Variants in SUGP1 observed in about 807,000 individuals in gnomAD.
The protein encoded by SUGP1 is SURP and G-patch domain containing 1.
A neutral mutation model predicts 76.5 loss-of-function variants in SUGP1; 34 were observed. The observed-to-expected ratio is 0.44, with a 90% CI of 0.34 to 0.59. SUGP1 has a LOEUF of 0.59. SUGP1 is among the 20% of genes least tolerant of loss of function. The pLI is 0.01. For missense variants in SUGP1, 752 were observed against 851.7 expected (o/e 0.88, Z 1.46); for synonymous variants, 326 against 326.2 (o/e 1.00, Z 0.01).
chr19:19,318,423 T>C, intron 1 of SUGP1, among the ~76,000 whole-genome samples: 1 of 151,692 alleles, frequency 6.6e-6, no homozygotes, highest in Non-Finnish European at 1.5e-5. Context: ...CCCAGCCGTT[T>C]TTTTTGTTTT....
chr19:19,286,378 C>G (rs1199015552), intron 8 of SUGP1, among the ~76,000 whole-genome samples: 1 of 152,074 alleles, frequency 6.6e-6, no homozygotes, highest in Non-Finnish European at 1.5e-5. Context: ...CTCAGCAGAG[C>G]GAACATTATG....
At chr19:19,318,118 T>TTTTTTTC (rs2061408521) in intron 1 of SUGP1, among the ~76,000 whole-genome samples, 2 of 55,014 alleles carry the variant, frequency 3.6e-5, no homozygotes, top group South Asian at 1.3e-3. Context: ...GCCTTCTTTT[T>TTTTTTTC]TTTTTTTTTT....
chr19:19,306,080 G>C lies in SUGP1; in HGVS notation c.311-4C>G. On this transcript the variant is annotated splice_region_variant and splice_polypyrimidine_tract_variant and intron_variant, in intron 3 of 13. Coordinates refer to ENST00000247001, the MANE Select transcript of SUGP1 (RefSeq NM_172231.4). ...CTGGGCGCACTGGTCGGGGCGTCTG[G>C]TATAGAAGGAAGGATATGCGCACTC... 1 of 1,576,246 alleles carries C rather than the reference G, an allele frequency of 6.3e-7. No individual in the cohort carries two copies. The highest frequency in any genetic ancestry group is 1.1e-5 in the South Asian group (1 of 87,146).
chr19:19,280,111 C>T, intron 9 of SUGP1, 74 bp downstream of exon 9: 1 of 1,421,348 alleles, frequency 7.0e-7, no homozygotes, highest in Non-Finnish European at 9.8e-7. Context: ...CCTGTGACCG[C>T]TGCACCCGGG....
At chr19:19,291,961 T>C (rs1373785044) in intron 8 of SUGP1, among the ~76,000 whole-genome samples, 1 of 147,726 alleles carries the variant, frequency 6.8e-6, no homozygotes, top group East Asian at 2.0e-4. Flanking sequence ...ATAGCTTCAC[T>C]GGTAAAGCAA....
chr19:19,319,231 A>G (rs1363429526), intron 1 of SUGP1, among the ~76,000 whole-genome samples: 2 of 151,980 alleles, frequency 1.3e-5, no homozygotes, highest in African/African-American at 4.8e-5. Flanking sequence ...CAACAAAAAG[A>G]AAAAAAGAAT....
chr19:19,297,225 C>T lies in SUGP1; in HGVS notation c.1007G>A (p.Arg336His), dbSNP rs143809642. 4.0e-5 allele frequency: 64 copies of T among 1,597,776 alleles called. No homozygotes were observed. In the African/African-American group the frequency reaches 5.9e-4, roughly 15 times the overall value. ...SFTAPDPGLKRKSPPEALSGS... is the reference protein window; with the variant it reads ...SFTAPDPGLKHKSPPEALSGS... ...TGACAGGGCCTCAGGAGGGGACTTGCGCTTCAGGCCGGGATCAGGTGCTGT... is the reference window on the plus strand; with the variant it reads ...TGACAGGGCCTCAGGAGGGGACTTGTGCTTCAGGCCGGGATCAGGTGCTGT... Residue 336 changes from arginine (R) to histidine (H), a missense_variant, in exon 8 of 14, where the codon CGC becomes CAC. Physicochemically the swap from Arg to His is conservative, Grantham distance 29. Transcript: ENST00000247001.
chr19:19,277,018 T>C lies in SUGP1; in HGVS notation c.1840A>G (p.Lys614Glu). The C allele has an allele frequency of 6.2e-7, 1 of 1,612,820 alleles. No homozygotes were observed. Among genetic ancestry groups the C allele is most frequent in the Non-Finnish European group, 8.5e-7 (1 of 1,179,988 alleles). ...FGIDRPAELS[K>E]EDDEYEAFRK... ...AACGCCTCATACTCGTCGTCCTCCT[T>C]GGAGAGCTCCGCCGGCCGGTCAATG... is the stretch of plus-strand genomic sequence containing the variant. Residue 614 changes from lysine to glutamate, a missense_variant, in exon 13 of 14, where the codon AAG becomes GAG. By Grantham distance (56) the Lys-to-Glu change is moderately conservative. Transcript: ENST00000247001.
chr19:19,280,313 T>TA, intron 8 of SUGP1, 22 bp from the exon 9 acceptor site: 1 of 1,608,628 alleles, frequency 6.2e-7, no homozygotes, highest in Non-Finnish European at 8.5e-7. Flanking sequence ...AGACACAGGG[T>TA]AGTCAGAGCC....
At chr19:19,315,675 T>A (rs1218338864) in intron 2 of SUGP1, among the ~76,000 whole-genome samples, 1 of 152,152 alleles carries the variant, frequency 6.6e-6, no homozygotes, top group Non-Finnish European at 1.5e-5. Context: ...GCTTCCTCAG[T>A]GGGCCAGCTC....
At chr19:19,302,488 T>C (rs754908478) in intron 6 of SUGP1, 100 bp from the exon 7 acceptor site, 24 of 1,506,024 alleles carry the variant, frequency 1.6e-5, no homozygotes. Context: ...GTTTTAGGAA[T>C]GATGCAAAGA....
chr19:19,316,214 A>G (rs2061392947), intron 2 of SUGP1: 2 of 606,518 alleles, frequency 3.3e-6, no homozygotes, highest in Non-Finnish European at 5.7e-6. Context: ...TGAGTGGATG[A>G]GTTGGCAGGC....
chr19:19,314,116 G>A (rs760091376), intron 2 of SUGP1, among the ~76,000 whole-genome samples: 15 of 151,372 alleles, frequency 9.9e-5, no homozygotes, highest in Non-Finnish European at 1.6e-4. Context: ...CAGCCTGGGC[G>A]GCTGAGTGAG....
At chr19:19,284,834 A>G (rs2061126526) in intron 8 of SUGP1, among the ~76,000 whole-genome samples, 1 of 151,784 alleles carries the variant, frequency 6.6e-6, no homozygotes, top group African/African-American at 2.4e-5. Flanking sequence ...CATTAAGAAA[A>G]TCATTGAGAA....
At chr19:19,298,744 G>A (rs1313437907) in intron 7 of SUGP1, among the ~76,000 whole-genome samples, 3 of 152,224 alleles carry the variant, frequency 2.0e-5, no homozygotes, top group Admixed American at 2.0e-4. Flanking sequence ...GGTCAGATTT[G>A]GAAAAGACAC....
intron 4 of SUGP1, among the ~76,000 whole-genome samples, chr19:19,304,264 G>A (rs2061297814): frequency 6.6e-6 from 1 of 152,122 alleles, no homozygotes; most frequent in South Asian, 2.1e-4. Context: ...CACTGGGTGG[G>A]TTTCGATCCA....
intron 3 of SUGP1, 99 bp downstream of exon 3, chr19:19,309,998 G>T: frequency 2.5e-6 from 2 of 808,980 alleles, no homozygotes; most frequent in South Asian, 1.4e-5. Context: ...GATTACCGGT[G>T]AGCAGGAGTC....
chr19:19,314,359 A>G (rs2061376909), intron 2 of SUGP1, among the ~76,000 whole-genome samples: 1 of 151,968 alleles, frequency 6.6e-6, no homozygotes, highest in Admixed American at 6.6e-5. Flanking sequence ...AAAATTAAAA[A>G]AAACAGAAAA....
At chr19:19,279,135 C>A (rs2061076703) in intron 10 of SUGP1, 78 bp downstream of exon 10, 1 of 1,423,162 alleles carries the variant, frequency 7.0e-7, no homozygotes, top group Non-Finnish European at 9.3e-7. Flanking sequence ...CCACGTGTGG[C>A]GCATCCAGGT....
Sources: gnomAD v4.1 joint callset for allele counts (sites outside exome capture counted in the v4.1 genomes callset) on GRCh38, gnomAD v4.1.1 for gene constraint, MANE v1.5 for transcripts, NCBI Gene and HGNC (gene_info 2026-07-23, HGNC 2026-07-21) for gene names.